Variants in ZNF814 observed in about 807,000 individuals in gnomAD.
ZNF814 encodes the protein zinc finger protein 814.
Under a neutral mutation model 7.5 loss-of-function variants are expected in ZNF814, and 5 were observed. The observed-to-expected ratio is 0.67, with a 90% confidence interval of 0.35 to 1.40. The LOEUF (loss-of-function observed/expected upper bound fraction) is 1.40, where lower values mean the gene tolerates loss of function less well. Ranked by LOEUF, ZNF814 falls within the 40% of genes most tolerant of loss-of-function variation. ZNF814 has a pLI of 0.04. For missense variants in ZNF814, 962 were observed against 1,018.0 expected (o/e 0.94, Z 0.75); for synonymous variants, 315 against 340.7 (o/e 0.92, Z 0.83).
chr19:57,905,101 C>T, the ZNF814 span, among the ~76,000 whole-genome samples: 1 of 144,666 alleles, frequency 6.9e-6, no homozygotes, highest in Admixed American at 7.0e-5. Context: ...CTCGAATGTT[C>T]TCTGAAGAAA....
At chr19:57,903,884 G>A in the ZNF814 span, among the ~76,000 whole-genome samples, 1 of 152,220 alleles carries the variant, frequency 6.6e-6, no homozygotes, top group Non-Finnish European at 1.5e-5. Flanking sequence ...GGCAGGGCTC[G>A]TTTTTCTGAC....
Position 57,873,125 on chromosome 19 carries a change from G to C in ZNF814, c.2265C>G (p.His755Gln). The C allele has an allele frequency of 6.2e-7, 1 of 1,613,398 alleles. No homozygotes were observed. The highest frequency in any genetic ancestry group is 8.5e-7 in the Non-Finnish European group (1 of 1,179,790). ...GCTTATGAACACAGAATGTAGAGCT[G>C]TGGGTAAATGATTTTCCACAATCAT... The part of the protein sequence containing the change: ...ECNDCGKSFT[H>Q]SSTFCVHKRI... Residue 755 changes from histidine (H) to glutamine (Q), a missense_variant, in exon 3 of 3, where the codon CAC becomes CAG. Physicochemically the swap from His to Gln is conservative, Grantham distance 24. Coordinates refer to ENST00000435989, the MANE Select transcript of ZNF814 (RefSeq NM_001144989.2).
the ZNF814 span, among the ~76,000 whole-genome samples, chr19:57,894,698 G>A: frequency 2.0e-5 from 3 of 151,940 alleles, no homozygotes; most frequent in Non-Finnish European, 2.9e-5. Flanking sequence ...GCCGGGCGTG[G>A]TGGCGGGTGC....
chr19:57,889,043 C>A (rs1331177162), upstream of ZNF814: 1 of 536,810 alleles, frequency 1.9e-6, no homozygotes, highest in South Asian at 2.9e-5. Context: ...AAAATGGCCG[C>A]CACCAGAGGG....
chr19:57,887,182 C>G (rs2071700588), intron 1 of ZNF814, among the ~76,000 whole-genome samples: 1 of 152,214 alleles, frequency 6.6e-6, no homozygotes, highest in Non-Finnish European at 1.5e-5. Flanking sequence ...GAGCGAAACT[C>G]CGTCTCAAGA....
In ZNF814 at chr19:57,873,128, G is replaced by A; in HGVS notation, c.2262C>T (p.Thr754=). 6.2e-7 allele frequency: 1 copy of A among 1,613,320 alleles called. No homozygotes were observed. Among genetic ancestry groups the A allele is most frequent in the Non-Finnish European group, 8.5e-7 (1 of 1,179,766 alleles). Residue 754 remains threonine, a synonymous_variant, in exon 3 of 3, where the codon ACC becomes ACT. Coordinates refer to ENST00000435989, the MANE Select transcript of ZNF814 (RefSeq NM_001144989.2). The part of the protein sequence containing the change: ...YECNDCGKSF[T]HSSTFCVHKR... ...TATGAACACAGAATGTAGAGCTGTG[G>A]GTAAATGATTTTCCACAATCATTGC...
In ZNF814 at chr19:57,873,646, C is replaced by A. The variant is rs753088065; in HGVS notation, c.1744G>T (p.Gly582Trp). ...TGCCCGATTGAACTAAAAGATTTCC[C>A]ACATTCTCCACACCCATAAGATCTT... ...RERSYGCGECGKSFSSIGHLR... is the reference protein window; with the variant it reads ...RERSYGCGECWKSFSSIGHLR... The change falls in exon 3 of 3, where the codon GGG becomes TGG. Residue 582 changes from glycine to tryptophan, a missense_variant. Gly to Trp is a radical substitution (Grantham distance 184, BLOSUM62 -2). Around this residue, in one of 7 missense-constraint regions of ZNF814, gnomAD observed 665 missense variants for 551.4 expected, o/e 1.21. Transcript: ENST00000435989. The A allele has an allele frequency of 6.2e-7, 1 of 1,614,078 alleles. No individual in the cohort carries two copies. Among genetic ancestry groups the A allele is most frequent in the South Asian group, 1.1e-5 (1 of 91,072 alleles).
chr19:57,890,148 ATTG>A (rs754307054), upstream of ZNF814, among the ~76,000 whole-genome samples: 29 of 152,366 alleles, frequency 1.9e-4, no homozygotes, highest in Admixed American at 5.2e-4. Context: ...CCATTATTGT[ATTG>A]TTAAAATGAA....
chr19:57,890,959 G>T (rs921989991), upstream of ZNF814, among the ~76,000 whole-genome samples: 2 of 152,146 alleles, frequency 1.3e-5, no homozygotes, highest in Non-Finnish European at 2.9e-5. Flanking sequence ...TGCATTCCCA[G>T]ACAGTGAAGA....
the ZNF814 span, among the ~76,000 whole-genome samples, chr19:57,896,143 C>T: frequency 2.8e-5 from 4 of 142,308 alleles, no homozygotes; most frequent in South Asian, 6.5e-4. The surrounding 1 kb of genome is among the most constrained non-coding windows in gnomAD (Gnocchi z 4.2). Flanking sequence ...AGCCTTTGAG[C>T]GAGCCACTTT....
chr19:57,877,567 C>G (rs181038090), intron 1 of ZNF814, among the ~76,000 whole-genome samples: 76 of 152,112 alleles, frequency 5.0e-4, no homozygotes, highest in African/African-American at 1.8e-3. Context: ...CTCAGCCTCC[C>G]GAGCAGCTGG....
At chr19:57,883,003 G>A (rs2071660373) in intron 1 of ZNF814, among the ~76,000 whole-genome samples, 1 of 152,158 alleles carries the variant, frequency 6.6e-6, no homozygotes, top group Non-Finnish European at 1.5e-5. Flanking sequence ...AATTTCTCAA[G>A]ACAAACACGG....
In ZNF814 at chr19:57,869,401, T is replaced by C. The variant is rs2071536681; in HGVS notation, c.*3421A>G. 2.0e-5 allele frequency: 3 copies of C among 151,556 alleles called. No homozygotes were observed. Among genetic ancestry groups the C allele is most frequent in the Admixed American group, 2.0e-4 (3 of 15,220 alleles). 9.4% of individuals were successfully genotyped at this position (151,556 alleles called of 1,614,324 possible). ...AGGGATTATAAGAGGAAACACTTTA[T>C]TACATCACTCATCTAACATTCCAGA... On this transcript the variant is annotated 3_prime_UTR_variant, in exon 3 of 3. Coordinates refer to ENST00000435989, the MANE Select transcript of ZNF814 (RefSeq NM_001144989.2).
chr19:57,888,746 C>G (rs1007613349), intron 1 of ZNF814, 21 bp downstream of exon 1: 61 of 1,553,730 alleles, frequency 3.9e-5, no homozygotes, highest in Non-Finnish European at 5.3e-5. Flanking sequence ...GACCTGAGGA[C>G]ACAGAAGGCC....
intron 1 of ZNF814, 87 bp downstream of exon 1, chr19:57,888,666 ACGCCGGCGTCCGGG>A: frequency 6.8e-7 from 1 of 1,461,696 alleles, no homozygotes; most frequent in Non-Finnish European, 9.3e-7. Flanking sequence ...CAGTGTCCCA[ACGCCGGCGTCCGGG>A]CTGCAGAGCC....
chr19:57,873,914 A>G lies in ZNF814; in HGVS notation c.1476T>C (p.Tyr492=). The stretch of plus-strand genomic sequence containing the variant: ...AAGATTTCCCACATTCTCCACACTG[A>G]TAAGGTCTTTCTCCACTGTGAACTC... ...HQRVHSGERP[Y]QCGECGKSFS... Residue 492 remains tyrosine, a synonymous_variant, in exon 3 of 3, where the codon TAT becomes TAC. Transcript: ENST00000435989. The G allele has an allele frequency of 6.2e-7, 1 of 1,612,352 alleles. No individual in the cohort carries two copies. The highest frequency in any genetic ancestry group is 1.1e-5 in the South Asian group (1 of 90,988).
At chr19:57,878,784 T>C (rs1791425896) in intron 1 of ZNF814, among the ~76,000 whole-genome samples, 1 of 152,050 alleles carries the variant, frequency 6.6e-6, no homozygotes, top group Non-Finnish European at 1.5e-5. Flanking sequence ...GAGTGTGAAG[T>C]GGCCAGTCAT....
At chr19:57,893,428 C>T (rs952508634), upstream of ZNF814, among the ~76,000 whole-genome samples, 2 of 151,656 alleles carry the variant, frequency 1.3e-5, no homozygotes, top group African/African-American at 4.8e-5. Flanking sequence ...CCCGCCTGGG[C>T]CCCCCAAAGT....
At chr19:57,904,165 C>G in the ZNF814 span, among the ~76,000 whole-genome samples, 1 of 152,152 alleles carries the variant, frequency 6.6e-6, no homozygotes, top group Non-Finnish European at 1.5e-5. Flanking sequence ...ATTAGAAGAA[C>G]CTATTCTCCC....
Sources: allele counts gnomAD v4.1 joint callset (sites outside exome capture counted in the v4.1 genomes callset), GRCh38; gene constraint gnomAD v4.1.1; regional missense constraint gnomAD v4.1.1; non-coding constraint Gnocchi (gnomAD v3.1); transcripts MANE v1.5; gene names NCBI Gene and HGNC (gene_info 2026-07-23, HGNC 2026-07-21).